Variants in TRHDE observed in about 807,000 individuals in gnomAD.
TRHDE encodes the protein thyrotropin releasing hormone degrading enzyme.
In TRHDE, 72 loss-of-function variants were observed where a neutral mutation model predicts 125.7. The ratio of observed to expected loss-of-function variants is 0.57; its 90% CI spans 0.47 to 0.70. The LOEUF is 0.70. TRHDE is among the 30% of genes least tolerant of loss of function. The probability of loss-of-function intolerance (pLI) is 0.00; values close to 1 mark genes in which losing one functional copy is unlikely to be tolerated. For synonymous variants in TRHDE, 509 were observed against 509.1 expected (o/e 1.00, Z 0.00); for missense variants, 1,110 against 1,327.1 (o/e 0.84, Z 2.54).
intron 2 of TRHDE, among the ~76,000 whole-genome samples, chr12:72,118,980 T>A (rs1415751887): frequency 1.3e-5 from 2 of 152,120 alleles, no homozygotes; most frequent in East Asian, 1.9e-4. Context: ...GTTTATCTTT[T>A]AAAAAAACCA....
intron 3 of TRHDE, among the ~76,000 whole-genome samples, chr12:72,434,378 C>T (rs1202444534): frequency 3.0e-5 from 4 of 131,332 alleles, no homozygotes; most frequent in Non-Finnish European, 4.6e-5. Context: ...GAGCCAGACT[C>T]TCTATGTCTC....
rs556627750 is a variant in TRHDE, at chr12:72,288,023, C to A, written c.1188+1069C>A. Among the ~76,000 whole-genome samples, 403 of 151,002 alleles carry A rather than the reference C, an allele frequency of 2.7e-3. 1 individual carries two copies. Among genetic ancestry groups the A allele is most frequent in the Middle Eastern group, 0.01 (3 of 290 alleles). ...TTAAGTAACTTGTCCAGGGGCTAAA[C>A]GTAAGCAAATGGTAGAGCTGTAAAT... On this transcript the variant is annotated intron_variant, in intron 2 of 18. Transcript: ENST00000261180.
chr12:72,112,104 C>T (rs1370514589), intron 2 of TRHDE, among the ~76,000 whole-genome samples: 1 of 152,014 alleles, frequency 6.6e-6, no homozygotes, highest in African/African-American at 2.4e-5. Context: ...ATCTACCTAC[C>T]CTTGCTTTAA....
chr12:72,648,292 A>G (rs1874365724), intron 15 of TRHDE, among the ~76,000 whole-genome samples: 1 of 152,276 alleles, frequency 6.6e-6, no homozygotes, highest in Middle Eastern at 3.4e-3. Flanking sequence ...AATTAACATT[A>G]TACTCAATGG....
chr12:72,255,175 T>A (rs1294102769), intron 2 of TRHDE: 1 of 152,212 alleles, frequency 6.6e-6, no homozygotes, highest in East Asian at 1.9e-4. Flanking sequence ...CGTAAGCTTT[T>A]GCCATCTTAA....
At chr12:72,238,309 TATATATATATATAC>T (rs1398149950) in intron 2 of TRHDE, among the ~76,000 whole-genome samples, 27 of 33,422 alleles carry the variant, frequency 8.1e-4, no homozygotes, top group Admixed American at 1.4e-3. Context: ...TATATATATA[TATATATATATATAC>T]ATATATATAT....
intron 2 of TRHDE, among the ~76,000 whole-genome samples, chr12:72,253,135 CA>C (rs1245545126): frequency 2.6e-5 from 4 of 151,940 alleles, no homozygotes; most frequent in Non-Finnish European, 2.9e-5. Context: ...AGTCAGTTTC[CA>C]AGAACCTATT....
At chr12:72,404,542 G>A (rs987809890) in intron 3 of TRHDE, among the ~76,000 whole-genome samples, 4 of 152,176 alleles carry the variant, frequency 2.6e-5, no homozygotes, top group African/African-American at 9.7e-5. Flanking sequence ...TGACTGGGGA[G>A]GCCTCACAAT....
At chr12:72,262,165 A>G (rs1185437547) in intron 2 of TRHDE, among the ~76,000 whole-genome samples, 1 of 152,162 alleles carries the variant, frequency 6.6e-6, no homozygotes, top group African/African-American at 2.4e-5. Flanking sequence ...TTTTAATGCA[A>G]TTTCAACTAG....
At chr12:72,350,394 A>G (rs1257850549) in intron 2 of TRHDE, among the ~76,000 whole-genome samples, 1 of 152,016 alleles carries the variant, frequency 6.6e-6, no homozygotes, top group Non-Finnish European at 1.5e-5. Context: ...TCTACGTATT[A>G]TATATCTCAA....
chr12:72,162,803 G>T (rs1486166838), intron 2 of TRHDE, among the ~76,000 whole-genome samples: 2 of 151,936 alleles, frequency 1.3e-5, no homozygotes, highest in East Asian at 1.9e-4. Context: ...ATCACTTCTG[G>T]TTATCTGAAA....
intron 3 of TRHDE, among the ~76,000 whole-genome samples, chr12:72,437,018 C>A (rs1462562174): frequency 6.6e-6 from 1 of 151,768 alleles, no homozygotes; most frequent in Non-Finnish European, 1.5e-5. Flanking sequence ...ATACATATAT[C>A]TATATCCCCT....
chr12:72,318,038 T>G (rs1233794886), intron 2 of TRHDE, among the ~76,000 whole-genome samples: 1 of 152,126 alleles, frequency 6.6e-6, no homozygotes, highest in Non-Finnish European at 1.5e-5. Flanking sequence ...GAATTATGAC[T>G]AGAGGCAGTA....
intron 6 of TRHDE, among the ~76,000 whole-genome samples, chr12:72,507,302 A>T (rs891401323): frequency 2.0e-5 from 3 of 152,234 alleles, no homozygotes; most frequent in African/African-American, 7.2e-5. Flanking sequence ...TAATGGGCAG[A>T]GGTTGAAACA....
At chr12:72,528,640 C>T (rs1204087997) in intron 6 of TRHDE, among the ~76,000 whole-genome samples, 1 of 152,060 alleles carries the variant, frequency 6.6e-6, no homozygotes, top group African/African-American at 2.4e-5. Context: ...AGGAGTGTAC[C>T]ACCAAGCCTG....
intron 2 of TRHDE, among the ~76,000 whole-genome samples, chr12:72,239,976 A>G (rs1187479569): frequency 1.3e-5 from 2 of 152,212 alleles, no homozygotes; most frequent in Non-Finnish European, 2.9e-5. Context: ...TCTTTCAACA[A>G]TTAGGCATAG....
chr12:72,556,851 A>G (rs1869949034), intron 7 of TRHDE, among the ~76,000 whole-genome samples: 1 of 152,174 alleles, frequency 6.6e-6, no homozygotes, highest in South Asian at 2.1e-4. Flanking sequence ...CAGTGCTTGA[A>G]TTTACCTAGC....
chr12:72,530,871 G>C (rs1868518271), intron 6 of TRHDE, among the ~76,000 whole-genome samples: 1 of 151,472 alleles, frequency 6.6e-6, no homozygotes, highest in Admixed American at 6.6e-5. Context: ...TTGTTTCTTT[G>C]TTTACTAACT....
intron 2 of TRHDE, among the ~76,000 whole-genome samples, chr12:72,190,015 C>T (rs1019737801): frequency 1.3e-5 from 2 of 152,082 alleles, no homozygotes; most frequent in African/African-American, 4.8e-5. Context: ...AATAGTCTAC[C>T]CTTGAGAAAC....
Sources: gnomAD v4.1 joint callset for allele counts (sites outside exome capture counted in the v4.1 genomes callset) on GRCh38, gnomAD v4.1.1 for gene constraint, MANE v1.5 for transcripts, NCBI Gene and HGNC (gene_info 2026-07-23, HGNC 2026-07-21) for gene names.